The following TENM1 variants were observed in gnomAD, a reference collection of about 807,000 sequenced individuals.
TENM1 encodes teneurin-1.
Under a neutral mutation model 174.8 loss-of-function variants are expected in TENM1, and 35 were observed. That is an observed-to-expected ratio of 0.20 (90% CI 0.15 to 0.27). The LOEUF is 0.27. Among genes scored for constraint, TENM1 ranks in the 10% least tolerant of loss-of-function variants. The pLI is 1.00. For missense variants in TENM1, 1,633 were observed against 2,130.1 expected, an observed-to-expected ratio of 0.77 and a Z score of 4.59; for synonymous variants, 781 against 798.7, an observed-to-expected ratio of 0.98 and a Z score of 0.37.
intron 11 of TENM1, among the ~76,000 whole-genome samples, chrX:124,639,436 T>C (rs1415685118): frequency 8.9e-6 from 1 of 112,374 alleles, no homozygotes; most frequent in Non-Finnish European, 1.9e-5. Flanking sequence ...AAAAATAGTC[T>C]ACTGCTCCCT....
the TENM1 span, among the ~76,000 whole-genome samples, chrX:124,977,965 TGTGAGAGAGA>T: frequency 8.2e-3 from 119 of 14,578 alleles, no homozygotes; most frequent in East Asian, 0.043. Flanking sequence ...TGTGTGTGTG[TGTGAGAGAGA>T]GAGAGAGAGA....
intron 3 of TENM1, among the ~76,000 whole-genome samples, chrX:124,737,763 C>T (rs1295391114): frequency 8.9e-6 from 1 of 112,020 alleles, no homozygotes; most frequent in Non-Finnish European, 1.9e-5. Flanking sequence ...CTTTGTCAGC[C>T]CCCCAACTAG....
chrX:124,527,900 C>A (rs1053400692), intron 16 of TENM1, among the ~76,000 whole-genome samples: 7 of 105,599 alleles, frequency 6.6e-5, no homozygotes, highest in Non-Finnish European at 1.4e-4. Flanking sequence ...TCATGATCCG[C>A]CCGCCTCAGC....
At chrX:124,801,356 G>A (rs1400208654) in intron 3 of TENM1, among the ~76,000 whole-genome samples, 1 of 111,608 alleles carries the variant, frequency 9.0e-6, no homozygotes, top group African/African-American at 3.3e-5. Context: ...GCCCTTCTTT[G>A]TGTTTTTTGA....
intron 11 of TENM1, among the ~76,000 whole-genome samples, chrX:124,597,433 G>A (rs1019910686): frequency 2.7e-5 from 3 of 111,505 alleles, no homozygotes; most frequent in South Asian, 3.8e-4. Context: ...ATGGAAAACC[G>A]AACATTGCAT....
At chrX:124,718,817 G>A (rs188756432) in intron 4 of TENM1, among the ~76,000 whole-genome samples, 88 of 112,123 alleles carry the variant, frequency 7.8e-4, no homozygotes, top group African/African-American at 2.7e-3. Context: ...GGGAAACATC[G>A]ATGGAAAAGA....
chrX:125,120,697 T>C, the TENM1 span, among the ~76,000 whole-genome samples: 5 of 111,708 alleles, frequency 4.5e-5, no homozygotes, highest in Non-Finnish European at 7.5e-5. Flanking sequence ...CTCAACAAAT[T>C]CATAATTATT....
At chrX:125,136,191 A>G in the TENM1 span, among the ~76,000 whole-genome samples, 11 of 111,368 alleles carry the variant, frequency 9.9e-5, no homozygotes, top group African/African-American at 2.9e-4. Flanking sequence ...CCTGGATTCA[A>G]TTGTTAAACT....
chrX:124,506,320 C>T (rs1262350886), intron 18 of TENM1, among the ~76,000 whole-genome samples: 2 of 111,499 alleles, frequency 1.8e-5, no homozygotes, highest in East Asian at 2.8e-4. Context: ...GCAGGAAATG[C>T]TTACATAAAG....
At chrX:124,684,884 G>A (rs1002614558) in intron 5 of TENM1, among the ~76,000 whole-genome samples, 1 of 111,099 alleles carries the variant, frequency 9.0e-6, no homozygotes, top group Non-Finnish European at 1.9e-5. Flanking sequence ...CAAGCTCCAG[G>A]CTCAACCATC....
intron 1 of TENM1, among the ~76,000 whole-genome samples, chrX:124,938,707 T>C (rs1393305427): frequency 8.9e-6 from 1 of 112,111 alleles, no homozygotes; most frequent in Non-Finnish European, 1.9e-5. Context: ...CTAGAGTTGC[T>C]GAAAAGGGTA....
At chrX:124,392,146 G>A (rs768960120) in exon 28 of TENM1, 16 of 1,207,572 alleles carry the variant, frequency 1.3e-5, no homozygotes, top group South Asian at 3.5e-5. Context: ...TTCATTCCAC[G>A]TTCCTCTTTG....
chrX:124,958,019 G>T (rs2058603080), intron 1 of TENM1, among the ~76,000 whole-genome samples: 1 of 111,262 alleles, frequency 9.0e-6, no homozygotes. Flanking sequence ...TGCCTCCCTT[G>T]GATGTGAGGC....
chrX:124,960,323 T>G (rs1175490552), intron 1 of TENM1, among the ~76,000 whole-genome samples: 1 of 111,798 alleles, frequency 8.9e-6, no homozygotes, highest in Non-Finnish European at 1.9e-5. Flanking sequence ...GTACTCTGAT[T>G]CCTCTAAAGA....
At chrX:124,884,150 T>C (rs2057346053) in intron 3 of TENM1, among the ~76,000 whole-genome samples, 1 of 110,963 alleles carries the variant, frequency 9.0e-6, no homozygotes. Flanking sequence ...GTCATTAGGG[T>C]GCTTGCAAAT....
chrX:125,152,125 CA>C, the TENM1 span, among the ~76,000 whole-genome samples: 1 of 109,722 alleles, frequency 9.1e-6, no homozygotes, highest in Non-Finnish European at 1.9e-5. Flanking sequence ...CATGGTGGTG[CA>C]CACCTGTAAT....
At chrX:124,509,922 C>T (rs1390035992) in intron 18 of TENM1, among the ~76,000 whole-genome samples, 3 of 109,871 alleles carry the variant, frequency 2.7e-5, no homozygotes, top group Middle Eastern at 4.7e-3. Context: ...CGGTGTTTCA[C>T]TATGTTGGCA....
intron 3 of TENM1, among the ~76,000 whole-genome samples, chrX:124,837,350 A>C (rs1263001969): frequency 8.9e-6 from 1 of 111,916 alleles, no homozygotes; most frequent in East Asian, 2.8e-4. Flanking sequence ...CGGCCTCCCA[A>C]AGTGTTGGGA....
Position 124,652,131 on chromosome X carries a change from C to G in TENM1, c.1369-7G>C. 1 of 1,207,834 alleles carries G rather than the reference C, an allele frequency of 8.3e-7. No homozygotes were observed. Among genetic ancestry groups the G allele is most frequent in the Middle Eastern group, 2.3e-4 (1 of 4,278 alleles). On this transcript the variant is annotated splice_region_variant and splice_polypyrimidine_tract_variant and intron_variant, in intron 7 of 31. Transcript: ENST00000422452. The stretch of plus-strand genomic sequence containing the variant: ...TTAGTTTTACAAAATCAAACTGGAA[C>G]AAATACAAACATGAAGATGAGCCAC...
Sources: allele counts gnomAD v4.1 joint callset (sites outside exome capture counted in the v4.1 genomes callset), GRCh38; gene constraint gnomAD v4.1.1; transcripts MANE v1.5; gene names NCBI Gene and HGNC (gene_info 2026-07-23, HGNC 2026-07-21).